The following C2orf80 variants were observed in gnomAD, a reference collection of about 807,000 sequenced individuals.
C2orf80 encodes uncharacterized protein C2orf80.
C2orf80 carries 28 observed loss-of-function variants against 30.2 expected under a neutral mutation model. The ratio of observed to expected loss-of-function variants is 0.93; its 90% CI spans 0.69 to 1.27. The LOEUF (loss-of-function observed/expected upper bound fraction) is 1.27. C2orf80 is among the 50% of genes most tolerant of loss of function. The pLI is 0.00. For synonymous variants in C2orf80, 80 were observed against 76.4 expected (o/e 1.05, Z -0.24); for missense variants, 220 against 231.0 (o/e 0.95, Z 0.31).
intron 1 of C2orf80, among the ~76,000 whole-genome samples, chr2:208,188,085 CGTGTGT>C (rs139478315): frequency 0.12 from 17,433 of 144,112 alleles, 1,130 homozygotes; most frequent in South Asian, 0.17. Flanking sequence ...TATACTGCAC[CGTGTGT>C]GTGTGTGTGT....
chr2:208,188,604 C>G (rs891621525), intron 1 of C2orf80, among the ~76,000 whole-genome samples: 1 of 152,132 alleles, frequency 6.6e-6, no homozygotes, highest in Non-Finnish European at 1.5e-5. Flanking sequence ...CGCCACCAAG[C>G]CCAGCTAATT....
intron 6 of C2orf80, among the ~76,000 whole-genome samples, chr2:208,175,211 C>G (rs1696244873): frequency 3.1e-5 from 4 of 128,192 alleles, no homozygotes; most frequent in African/African-American, 1.1e-4. Flanking sequence ...ACTTGAACCC[C>G]GGGGGGGGGG....
chr2:208,173,941 C>T (rs2105897082), intron 6 of C2orf80, among the ~76,000 whole-genome samples: 1 of 151,266 alleles, frequency 6.6e-6, no homozygotes, highest in East Asian at 1.9e-4. Flanking sequence ...GTTTTTAATC[C>T]CTCATTTACT....
chr2:208,189,433 A>C (rs1341458817), intron 1 of C2orf80, among the ~76,000 whole-genome samples: 2 of 152,228 alleles, frequency 1.3e-5, no homozygotes, highest in Non-Finnish European at 2.9e-5. Context: ...ACTGTAGGTC[A>C]GAAGACCCTG....
intron 6 of C2orf80, among the ~76,000 whole-genome samples, chr2:208,172,502 G>T (rs2105895112): frequency 6.6e-6 from 1 of 152,238 alleles, no homozygotes; most frequent in African/African-American, 2.4e-5. Flanking sequence ...AGAATTGTTG[G>T]TTCACTCATC....
intron 6 of C2orf80, among the ~76,000 whole-genome samples, chr2:208,173,208 G>A (rs1696163896): frequency 6.6e-6 from 1 of 151,086 alleles, no homozygotes; most frequent in African/African-American, 2.4e-5. Flanking sequence ...GTGGAATACT[G>A]TATGTAGTGA....
At chr2:208,184,451 CTG>C (rs1029482565) in intron 3 of C2orf80, among the ~76,000 whole-genome samples, 3 of 151,892 alleles carry the variant, frequency 2.0e-5, no homozygotes, top group African/African-American at 4.8e-5. Flanking sequence ...AGTGAAAAAA[CTG>C]AGGGTTTGCT....
At chr2:208,170,514 A>G (rs1696062723) in intron 8 of C2orf80, among the ~76,000 whole-genome samples, 1 of 152,240 alleles carries the variant, frequency 6.6e-6, no homozygotes, top group Non-Finnish European at 1.5e-5. Context: ...GGGATCAAGG[A>G]TAGAAACATT....
At chr2:208,181,966 A>G (rs72974837) in intron 4 of C2orf80, among the ~76,000 whole-genome samples, 4 of 152,188 alleles carry the variant, frequency 2.6e-5, no homozygotes, top group African/African-American at 9.6e-5. Context: ...CTTTTCAGAT[A>G]CAAGGGCAAT....
In C2orf80 at chr2:208,184,529, C is replaced by T. The variant is rs552953002; in HGVS notation, c.123+422G>A. ...ATTTCTGTGACGTGAACTTTCAGAT[C>T]CTGAGTCTGGGCTTCGAAATAAATA... is the stretch of plus-strand genomic sequence containing the variant. On this transcript the variant is annotated intron_variant, in intron 3 of 8. Transcript: ENST00000341287. Among the ~76,000 whole-genome samples, 46 of 152,246 alleles carry T rather than the reference C, an allele frequency of 3.0e-4. 1 individual carries two copies. The Middle Eastern group carries it at 0.02, about 68-fold the overall frequency.
Position 208,165,607 on chromosome 2 carries a change from T to TG in C2orf80, c.*199_*200insC, listed in dbSNP as rs1695859745. On this transcript the variant is annotated 3_prime_UTR_variant, in exon 9 of 9. Coordinates refer to ENST00000341287, the MANE Select transcript of C2orf80 (RefSeq NM_001099334.3). ...ACAATGAAGTAGCATAAGGTCACAG[T>TG]TTTTTTTTTTAAGAAAATGTAGCCA... 1 of 361,520 alleles carries TG rather than the reference T, an allele frequency of 2.8e-6. No individual in the cohort carries two copies. Among genetic ancestry groups the TG allele is most frequent in the Non-Finnish European group, 4.2e-6 (1 of 235,670 alleles). The allele number at this position is 361,520 out of a possible 1,614,324, so 22.4% of individuals were successfully genotyped here.
At chr2:208,167,541 C>G (rs997635897) in intron 8 of C2orf80, among the ~76,000 whole-genome samples, 1 of 150,900 alleles carries the variant, frequency 6.6e-6, no homozygotes, top group African/African-American at 2.4e-5. Flanking sequence ...AAAAAACAAA[C>G]AAACAAAAAA....
chr2:208,188,935 T>A (rs1696799024), intron 1 of C2orf80, among the ~76,000 whole-genome samples: 1 of 152,174 alleles, frequency 6.6e-6, no homozygotes, highest in Non-Finnish European at 1.5e-5. Context: ...GAGGTGGCCC[T>A]ATTGCCTAGA....
intron 8 of C2orf80, among the ~76,000 whole-genome samples, chr2:208,169,423 T>C (rs1327762975): frequency 6.6e-6 from 1 of 152,108 alleles, no homozygotes; most frequent in African/African-American, 2.4e-5. Flanking sequence ...GAAACAAAGA[T>C]ATGGTTCTAG....
Position 208,181,207 on chromosome 2 carries a change from C to A in C2orf80, c.294+11G>T, listed in dbSNP as rs1489477864. 2 of 1,549,862 alleles carry A rather than the reference C, an allele frequency of 1.3e-6. No homozygotes were observed. The highest frequency in any genetic ancestry group is 1.7e-5 in the Admixed American group (1 of 59,876). On this transcript the variant is annotated intron_variant, in intron 5 of 8. Transcript: ENST00000341287. ...AATATTCATATAGGCAGATAGTATTCTTTTCCTTACCATTAAGATTCCAGC... is the reference window on the plus strand; with the variant it reads ...AATATTCATATAGGCAGATAGTATTATTTTCCTTACCATTAAGATTCCAGC...
At chr2:208,168,939 C>T (rs547204821) in intron 8 of C2orf80, among the ~76,000 whole-genome samples, 2 of 151,254 alleles carry the variant, frequency 1.3e-5, no homozygotes, top group East Asian at 4.0e-4. Flanking sequence ...AGAACCGTCA[C>T]CTAAGGACTA....
At chr2:208,172,801 G>A (rs1015834927) in intron 6 of C2orf80, among the ~76,000 whole-genome samples, 9 of 152,112 alleles carry the variant, frequency 5.9e-5, no homozygotes, top group East Asian at 3.8e-4. Context: ...CTCTTTTGCC[G>A]TGCAATGCTT....
At chr2:208,177,004 CATATATACAGA>C (rs1696368211) in intron 6 of C2orf80, among the ~76,000 whole-genome samples, 2 of 45,300 alleles carry the variant, frequency 4.4e-5, no homozygotes, top group South Asian at 1.1e-3. Flanking sequence ...TACATATATA[CATATATACAGA>C]TACATATATA....
chr2:208,179,506 G>GC (rs1696480376), intron 6 of C2orf80, among the ~76,000 whole-genome samples: 1 of 152,140 alleles, frequency 6.6e-6, no homozygotes, highest in African/African-American at 2.4e-5. Context: ...GGACGTTGGT[G>GC]CCCCCCTTCC....
Sources: allele counts gnomAD v4.1 joint callset (sites outside exome capture counted in the v4.1 genomes callset), GRCh38; gene constraint gnomAD v4.1.1; transcripts MANE v1.5; gene names NCBI Gene and HGNC (gene_info 2026-07-23, HGNC 2026-07-21).